The following RAB11FIP3 variants were observed in gnomAD, a reference collection of about 807,000 sequenced individuals.
RAB11FIP3 encodes RAB11 family interacting protein 3, also known as rab11 family-interacting protein 3.
RAB11FIP3 carries 17 observed loss-of-function variants against 77.8 expected under a neutral mutation model. That is an observed-to-expected ratio of 0.22 (90% CI 0.15 to 0.33). The LOEUF (loss-of-function observed/expected upper bound fraction) is 0.33, where lower values mean the gene tolerates loss of function less well. RAB11FIP3 is among the 10% of genes least tolerant of loss of function. RAB11FIP3 has a pLI of 1.00. For synonymous variants in RAB11FIP3, 437 were observed against 448.2 expected (o/e 0.98, Z 0.31); for missense variants, 1,005 against 1,011.2 (o/e 0.99, Z 0.08).
At position 492,477 on chromosome 16, in the gene RAB11FIP3, C is replaced by CCGT. The variant is rs1567392439; in HGVS notation, c.1265+3478_1265+3479insGTC. On this transcript the variant is annotated intron_variant, in intron 5 of 13. Coordinates refer to ENST00000262305, the MANE Select transcript of RAB11FIP3 (RefSeq NM_014700.4). ...CCCTTCCCGGGGAGACCCGAGGCCG[C>CCGT]CCAGGGCCCTCCCGGGAGACCCGAG... Among the ~76,000 whole-genome samples the CCGT allele has an allele frequency of 3.5e-4, 18 of 51,678 alleles. 3 individuals are homozygous for CCGT. The highest frequency in any genetic ancestry group is 2.4e-3 in the African/African-American group (16 of 6,788). The allele number at this position is 51,678 out of a possible 152,430, so 33.9% of individuals were successfully genotyped here. A position where few individuals can be genotyped will look rare whatever the true frequency, so the allele number is the denominator to read the frequency against.
rs199613861 is a variant in RAB11FIP3, at chr16:492,359, G to GGGAGACCCGAGGCCGCCCAGGGCCC, written c.1265+3359_1265+3360insGGAGACCCGAGGCCGCCCAGGGCCC. Among the ~76,000 whole-genome samples the GGGAGACCCGAGGCCGCCCAGGGCCC allele has an allele frequency of 9.5e-5, 4 of 41,920 alleles. No individual in the cohort carries two copies. In the East Asian group the frequency reaches 3.3e-3, roughly 34 times the overall value. 27.5% of individuals were successfully genotyped at this position (41,920 alleles called of 152,430 possible). ...AAAGCAGAAGTGCTCTTTGAAGAGG[G>GGGAGACCCGAGGCCGCCCAGGGCCC]TCTTCCCGGGAGACCCGAGGCCGCC... On this transcript the variant is annotated intron_variant, in intron 5 of 13. Transcript: ENST00000262305.
At chr16:500,004 G>A (rs570561122) in intron 6 of RAB11FIP3, among the ~76,000 whole-genome samples, 14 of 152,186 alleles carry the variant, frequency 9.2e-5, no homozygotes, top group Non-Finnish European at 1.5e-4. Context: ...AGCCCTTCGC[G>A]CTGAACTATT....
At chr16:450,294 C>T (rs933140388) in intron 1 of RAB11FIP3, among the ~76,000 whole-genome samples, 17 of 152,106 alleles carry the variant, frequency 1.1e-4, no homozygotes, top group African/African-American at 2.9e-4. Flanking sequence ...CTCACCCTCC[C>T]GAGTAGCTGG....
intron 1 of RAB11FIP3, among the ~76,000 whole-genome samples, chr16:449,883 A>G (rs534929205): frequency 0.016 from 920 of 56,988 alleles, 8 homozygotes; most frequent in African/African-American, 0.032. Flanking sequence ...CCCGGGAAGC[A>G]GAGGTTGCAG....
intron 9 of RAB11FIP3, among the ~76,000 whole-genome samples, chr16:511,699 C>A (rs1456989770): frequency 8.7e-5 from 10 of 114,954 alleles, no homozygotes; most frequent in Non-Finnish European, 8.8e-5. Flanking sequence ...ACAGCCCGCC[C>A]ACCCCAGAAA....
At chr16:446,044 C>T (rs1596201922) in intron 1 of RAB11FIP3, among the ~76,000 whole-genome samples, 1 of 152,078 alleles carries the variant, frequency 6.6e-6, no homozygotes, top group East Asian at 1.9e-4. Context: ...GTCCTACTTG[C>T]TCTTGGGGAA....
At chr16:450,668 C>T (rs891948809) in intron 1 of RAB11FIP3, among the ~76,000 whole-genome samples, 1 of 152,092 alleles carries the variant, frequency 6.6e-6, no homozygotes. Flanking sequence ...GGGAAGGGAC[C>T]GAGGATCTGA....
chr16:512,933 C>T (rs959163039), intron 9 of RAB11FIP3, among the ~76,000 whole-genome samples: 2 of 151,554 alleles, frequency 1.3e-5, no homozygotes, highest in African/African-American at 2.4e-5. Context: ...CCTCCCACCT[C>T]GGCCTCCCAA....
intron 2 of RAB11FIP3, among the ~76,000 whole-genome samples, chr16:470,246 C>T (rs983395652): frequency 9.9e-5 from 15 of 151,784 alleles, no homozygotes; most frequent in African/African-American, 3.6e-4. Context: ...GATCCTCCTG[C>T]CTCAGCCTGC....
chr16:428,731 A>G (rs1024316035), intron 1 of RAB11FIP3, among the ~76,000 whole-genome samples: 3 of 152,126 alleles, frequency 2.0e-5, no homozygotes, highest in Non-Finnish European at 2.9e-5. Flanking sequence ...CCCTATTGTG[A>G]TAATATCTTA....
rs2032312350 is a variant in RAB11FIP3 at position 514,301 on chromosome 16, C to T, written c.1640+3501C>T. Among the ~76,000 whole-genome samples the T allele has an allele frequency of 6.6e-6, 1 of 152,232 alleles. No homozygotes were observed. The highest frequency in any genetic ancestry group is 2.1e-4 in the South Asian group (1 of 4,832). On this transcript the variant is annotated intron_variant, in intron 9 of 13. Transcript: ENST00000262305. This position sits in a 1 kb window ranked among gnomAD's most constrained non-coding sequence, Gnocchi z 4.6. ...AGGCCTCTGGCATCTTGGGGACTTC[C>T]CCAGCCTGGCCTCTGCCCATCTGGT...
chr16:500,984 A>G (rs1181111761), intron 6 of RAB11FIP3, among the ~76,000 whole-genome samples: 1 of 152,198 alleles, frequency 6.6e-6, no homozygotes, highest in African/African-American at 2.4e-5. Context: ...CGACTGGCCA[A>G]GAACATGATC....
At position 444,127 on chromosome 16, in the gene RAB11FIP3, G is replaced by A. The variant is rs1401224698; in HGVS notation, c.715-17277G>A. Among the ~76,000 whole-genome samples, 3 of 152,218 alleles carry A rather than the reference G, an allele frequency of 2.0e-5. No individual in the cohort carries two copies. In the East Asian group the frequency reaches 5.8e-4, roughly 29 times the overall value. Reference sequence around the variant, plus strand: ...CTGTGCATGGAGGTTGGCCGAGGCAGCCTCTGAAGTACATGGAGCCCTGGA... The same window carrying A: ...CTGTGCATGGAGGTTGGCCGAGGCAACCTCTGAAGTACATGGAGCCCTGGA... On this transcript the variant is annotated intron_variant, in intron 1 of 13. Transcript: ENST00000262305.
intron 6 of RAB11FIP3, among the ~76,000 whole-genome samples, chr16:499,427 T>C (rs969139190): frequency 3.3e-5 from 5 of 152,318 alleles, no homozygotes; most frequent in African/African-American, 4.8e-5. Flanking sequence ...CAGCCTGCAG[T>C]TGGCTGTCAC....
In RAB11FIP3 at chr16:507,406, C is replaced by T. The variant is rs911406361; in HGVS notation, c.1499+1779C>T. Among the ~76,000 whole-genome samples, 10 of 152,110 alleles carry T rather than the reference C, an allele frequency of 6.6e-5. No individual in the cohort carries two copies. The highest frequency in any genetic ancestry group is 2.1e-4 in the South Asian group (1 of 4,834). ...GATTACAGGCGTGAGCCACCGTGCC[C>T]GGCCTAGTTTTTAATTTTTTTATAG... On this transcript the variant is annotated intron_variant, in intron 8 of 13. Transcript: ENST00000262305. The surrounding 1 kb of genome is among the most constrained non-coding windows in gnomAD (Gnocchi z 4.6).
At chr16:503,128 G>T in intron 7 of RAB11FIP3, 31 bp downstream of exon 7, 1 of 1,556,922 alleles carries the variant, frequency 6.4e-7, no homozygotes, top group Non-Finnish European at 8.8e-7. Flanking sequence ...TAGGTGGCAA[G>T]TAGGGGATTT....
chr16:513,467 C>T (rs2032273198), intron 9 of RAB11FIP3, among the ~76,000 whole-genome samples: 1 of 152,132 alleles, frequency 6.6e-6, no homozygotes, highest in African/African-American at 2.4e-5. Flanking sequence ...GATTCTCCCA[C>T]CTTGGCCTCT....
intron 1 of RAB11FIP3, among the ~76,000 whole-genome samples, chr16:439,894 A>G (rs2055196155): frequency 6.7e-6 from 1 of 150,328 alleles, no homozygotes; most frequent in African/African-American, 2.5e-5. Context: ...GCCCAGCTGG[A>G]GTGTGGTGGT....
rs114824040 is a variant in RAB11FIP3 at position 485,054 on chromosome 16, T to A, written c.1115+2318T>A. Among the ~76,000 whole-genome samples the A allele has an allele frequency of 2.6e-3, 403 of 152,200 alleles. 2 individuals carry two copies. The highest frequency in any genetic ancestry group is 9.0e-3 in the African/African-American group (375 of 41,546). On this transcript the variant is annotated intron_variant, in intron 4 of 13. Coordinates refer to ENST00000262305, the MANE Select transcript of RAB11FIP3 (RefSeq NM_014700.4). The stretch of plus-strand genomic sequence containing the variant: ...TGACTAATAAGGCATGCACCTTTTG[T>A]CAGGGTGGGAGCTCCTCTGCCTGCT...
Sources: gnomAD v4.1 joint callset for allele counts (sites outside exome capture counted in the v4.1 genomes callset) on GRCh38, gnomAD v4.1.1 for gene constraint, Gnocchi (gnomAD v3.1) non-coding constraint, MANE v1.5 for transcripts, NCBI Gene and HGNC (gene_info 2026-07-23, HGNC 2026-07-21) for gene names.